Variants in TBL1X observed in about 807,000 individuals in gnomAD.
The protein encoded by TBL1X is transducin beta like 1 X-linked.
A neutral mutation model predicts 50.7 loss-of-function variants in TBL1X; 10 were observed. That is an observed-to-expected ratio of 0.20 (90% CI 0.12 to 0.33). The LOEUF is 0.33. Among genes scored for constraint, TBL1X ranks in the 10% least tolerant of loss-of-function variants. The pLI is 1.00. For missense variants in TBL1X, 340 were observed against 504.4 expected, an observed-to-expected ratio of 0.67 and a Z score of 3.12; for synonymous variants, 190 against 214.7, an observed-to-expected ratio of 0.88 and a Z score of 1.01.
chrX:9,638,817 A>AT (rs1192190676), intron 2 of TBL1X, among the ~76,000 whole-genome samples: 1 of 111,794 alleles, frequency 8.9e-6, no homozygotes, highest in Non-Finnish European at 1.9e-5. Flanking sequence ...TCATAAGGCT[A>AT]TTTTTTCCCC....
At chrX:9,712,282 GTTGTCATGCCACTTCAAT>G (rs1471401011) in intron 16 of TBL1X, among the ~76,000 whole-genome samples, 2 of 112,495 alleles carry the variant, frequency 1.8e-5, no homozygotes, top group Non-Finnish European at 3.8e-5. Context: ...TGCTCTTGCT[GTTGTCATGCCACTTCAAT>G]TTTTCTTTTC....
intron 2 of TBL1X, among the ~76,000 whole-genome samples, chrX:9,602,725 C>T (rs1237726858): frequency 8.9e-6 from 1 of 112,184 alleles, no homozygotes; most frequent in Non-Finnish European, 1.9e-5. Context: ...CTATCTTTTG[C>T]CCATATCCAA....
chrX:9,628,521 A>G (rs2082704110), intron 2 of TBL1X, among the ~76,000 whole-genome samples: 1 of 110,090 alleles, frequency 9.1e-6, no homozygotes, highest in South Asian at 3.8e-4. Context: ...TTGAAGACTC[A>G]GAAGAGTTGG....
At chrX:9,565,266 C>G (rs113449162) in intron 2 of TBL1X, among the ~76,000 whole-genome samples, 1 of 18,755 alleles carries the variant, frequency 5.3e-5, no homozygotes, top group Non-Finnish European at 1.3e-4. Flanking sequence ...AGCGAGACTC[C>G]GTCTCAAAAA....
chrX:9,592,886 A>G (rs891798685), intron 2 of TBL1X, among the ~76,000 whole-genome samples: 1 of 112,328 alleles, frequency 8.9e-6, no homozygotes, highest in African/African-American at 3.2e-5. Flanking sequence ...TACAGTGCCC[A>G]GATTGGTACA....
chrX:9,551,213 A>G (rs2082269473), intron 2 of TBL1X, among the ~76,000 whole-genome samples: 1 of 111,121 alleles, frequency 9.0e-6, no homozygotes, highest in Non-Finnish European at 1.9e-5. Context: ...CCAGGGGATC[A>G]GTTTCCTTTG....
intron 5 of TBL1X, among the ~76,000 whole-genome samples, chrX:9,674,680 G>GCCCCCCC (rs57080019): frequency 2.5e-4 from 1 of 4,007 alleles, no homozygotes; most frequent in African/African-American, 7.2e-4. Context: ...TCCCGCCTCA[G>GCCCCCCC]CCCCCCCCCC....
intron 2 of TBL1X, among the ~76,000 whole-genome samples, chrX:9,519,543 G>C (rs1384734349): frequency 8.9e-6 from 1 of 112,501 alleles, no homozygotes; most frequent in Non-Finnish European, 1.9e-5. Flanking sequence ...TTCTGAGGAA[G>C]TAACAAAAGA....
At chrX:9,674,596 C>G (rs754916676) in intron 5 of TBL1X, among the ~76,000 whole-genome samples, 74 of 100,988 alleles carry the variant, frequency 7.3e-4, no homozygotes, top group African/African-American at 2.7e-3. Context: ...GAGTCTCTCT[C>G]TGTTGGCCAG....
intron 2 of TBL1X, among the ~76,000 whole-genome samples, chrX:9,606,771 A>G (rs1413872392): frequency 1.8e-5 from 2 of 112,292 alleles, no homozygotes; most frequent in East Asian, 2.8e-4. Context: ...CCTGCAATCA[A>G]ATGCAAACAG....
chrX:9,619,588 T>A lies in TBL1X; in HGVS notation c.-130-20685T>A, dbSNP rs747157078. Among the ~76,000 whole-genome samples, 12 of 112,755 alleles carry A rather than the reference T, an allele frequency of 1.1e-4. No individual in the cohort carries two copies. The Admixed American group carries it at 1.1e-3, about 11-fold the overall frequency. On this transcript the variant is annotated intron_variant, in intron 2 of 17. Coordinates refer to ENST00000645353, the MANE Select transcript of TBL1X (RefSeq NM_005647.4). ...TACCCTGTCTCTCATACATTCAATG[T>A]TATTTTCATTTTGAAAAAAGGCTGT... is the stretch of plus-strand genomic sequence containing the variant.
chrX:9,531,075 C>A (rs2082157724), intron 2 of TBL1X: 1 of 111,173 alleles, frequency 9.0e-6, no homozygotes, highest in African/African-American at 3.3e-5. Flanking sequence ...AGGATCAGGA[C>A]CTTTTGTGCA....
intron 1 of TBL1X, among the ~76,000 whole-genome samples, chrX:9,485,684 C>A (rs1478601704): frequency 9.0e-6 from 1 of 111,406 alleles, no homozygotes; most frequent in Admixed American, 9.5e-5. Flanking sequence ...TGCTACTATG[C>A]CCCCTGGAAC....
At chrX:9,467,771 G>C (rs1261775114) in intron 1 of TBL1X, among the ~76,000 whole-genome samples, 1 of 111,906 alleles carries the variant, frequency 8.9e-6, no homozygotes, top group Non-Finnish European at 1.9e-5. Context: ...ATGCTGGCCA[G>C]ACTGGCAAAC....
At chrX:9,478,363 C>T (rs981359542) in intron 1 of TBL1X, among the ~76,000 whole-genome samples, 2 of 111,267 alleles carry the variant, frequency 1.8e-5, no homozygotes, top group Non-Finnish European at 1.9e-5. Flanking sequence ...TGGATGTTTT[C>T]CCAGGATCTA....
At chrX:9,714,053 C>T (rs749377917) in intron 16 of TBL1X, among the ~76,000 whole-genome samples, 7 of 107,841 alleles carry the variant, frequency 6.5e-5, no homozygotes, top group South Asian at 4.2e-4. Flanking sequence ...GGGCTCAATC[C>T]GTCCTCCCGC....
chrX:9,674,021 G>A (rs762698059), intron 5 of TBL1X, among the ~76,000 whole-genome samples: 35 of 111,862 alleles, frequency 3.1e-4, no homozygotes, highest in Non-Finnish European at 5.6e-4. Context: ...AGCTGAGATC[G>A]TGCACTTGCA....
At chrX:9,472,036 C>T (rs1396049753) in intron 1 of TBL1X, among the ~76,000 whole-genome samples, 2 of 111,386 alleles carry the variant, frequency 1.8e-5, no homozygotes, top group Non-Finnish European at 3.8e-5. Context: ...TCTGTTGAAA[C>T]TGCATCCCCA....
chrX:9,504,249 C>T (rs2082015362), intron 2 of TBL1X, among the ~76,000 whole-genome samples: 2 of 111,895 alleles, frequency 1.8e-5, no homozygotes, highest in African/African-American at 6.5e-5. Context: ...ACAACAACAG[C>T]ATCAACAACA....
Sources: gnomAD v4.1 joint callset for allele counts (sites outside exome capture counted in the v4.1 genomes callset) on GRCh38, gnomAD v4.1.1 for gene constraint, MANE v1.5 for transcripts, NCBI Gene and HGNC (gene_info 2026-07-23, HGNC 2026-07-21) for gene names.